Variants in DPP4 observed in about 807,000 individuals in gnomAD.
The protein encoded by DPP4 is dipeptidyl peptidase 4.
Under a neutral mutation model 122.4 loss-of-function variants are expected in DPP4, and 93 were observed. The observed-to-expected ratio is 0.76, with a 90% confidence interval of 0.64 to 0.90. DPP4 has a LOEUF of 0.90. Among genes scored for constraint, DPP4 ranks in the 40% least tolerant of loss-of-function variants. DPP4 has a pLI of 0.00. For missense variants in DPP4, 914 were observed against 907.3 expected (o/e 1.01, Z -0.09); for synonymous variants, 321 against 302.9 (o/e 1.06, Z -0.62).
chr2:162,014,410 A>T lies in DPP4; in HGVS notation c.1623T>A (p.Pro541=). 1 of 1,607,508 alleles carries T rather than the reference A, an allele frequency of 6.2e-7. No homozygotes were observed. Among genetic ancestry groups the T allele is most frequent in the Non-Finnish European group, 8.5e-7 (1 of 1,175,982 alleles). ...TGAATACTTACACATCTAATAGTAGAGGATATTTCTTGGATTTATCAAAAT... is the reference window on the plus strand; with the variant it reads ...TGAATACTTACACATCTAATAGTAGTGGATATTTCTTGGATTTATCAAAAT... ...PPHFDKSKKY[P]LLLDVYAGPC... The change falls in exon 19 of 26, where the codon CCT becomes CCA. Residue 541 remains proline, a synonymous_variant. Coordinates refer to ENST00000360534, the MANE Select transcript of DPP4 (RefSeq NM_001935.4).
chr2:162,036,570 C>G lies in DPP4; in HGVS notation c.614-1246G>C, dbSNP rs555631786. ...CAACCCAAATCTCCTTTGACTCATG[C>G]TTTTCATCTCAGTGCTATACTGCCC... On this transcript the variant is annotated intron_variant, in intron 8 of 25. Transcript: ENST00000360534. Among the ~76,000 whole-genome samples, 3 of 152,286 alleles carry G rather than the reference C, an allele frequency of 2.0e-5. No homozygotes were observed. In the East Asian group the frequency reaches 5.8e-4, roughly 29 times the overall value.
chr2:161,993,079 A>C lies in DPP4; in HGVS notation c.*204T>G. ...AATAAAACCCGACCGGATAATTCAA[A>C]CTTCTGTAAGGTAATAATCTGTTGT... On this transcript the variant is annotated 3_prime_UTR_variant, in exon 26 of 26. Transcript: ENST00000360534. 1 of 456,898 alleles carries C rather than the reference A, an allele frequency of 2.2e-6. No homozygotes were observed. Among genetic ancestry groups the C allele is most frequent in the South Asian group, 4.0e-5 (1 of 24,974 alleles). 28.3% of individuals were successfully genotyped at this position (456,898 alleles called of 1,614,324 possible). A position where few individuals can be genotyped will look rare whatever the true frequency, so the allele number is the denominator to read the frequency against.
intron 5 of DPP4, among the ~76,000 whole-genome samples, chr2:162,042,273 T>A (rs945082616): frequency 2.0e-5 from 3 of 152,196 alleles, no homozygotes; most frequent in African/African-American, 7.2e-5. Flanking sequence ...CTTAGCAGGG[T>A]TCTGGAACAT....
At chr2:162,051,842 G>C (rs1233383332) in intron 2 of DPP4, among the ~76,000 whole-genome samples, 2 of 152,222 alleles carry the variant, frequency 1.3e-5, no homozygotes, top group Non-Finnish European at 2.9e-5. Context: ...TGGTTGCTTT[G>C]AATCAGAGAG....
rs1331046591 is a variant in DPP4, at chr2:162,017,141, G to A, written c.1435C>T (p.Leu479Phe). The A allele has an allele frequency of 6.2e-7, 1 of 1,612,244 alleles. No individual in the cohort carries two copies. Among genetic ancestry groups the A allele is most frequent in the Admixed American group, 1.7e-5 (1 of 59,990 alleles). The part of the protein sequence containing the change: ...QLRCSGPGLP[L>F]YTLHSSVNDK... The stretch of plus-strand genomic sequence containing the variant: ...TTCACGCTGCTGTGTAGAGTATAGA[G>A]GGGCAGACCAGGACCTGTTAACACA... Residue 479 changes from leucine (L) to phenylalanine (F), a missense_variant, in exon 17 of 26, where the codon CTC becomes TTC. Transcript: ENST00000360534.
intron 23 of DPP4, among the ~76,000 whole-genome samples, chr2:161,999,492 G>A (rs1376047124): frequency 6.6e-6 from 1 of 152,170 alleles, no homozygotes; most frequent in Non-Finnish European, 1.5e-5. Context: ...GCACTCTCCT[G>A]AGGCTAGAAA....
chr2:162,035,535 G>T (rs992403974), intron 8 of DPP4, among the ~76,000 whole-genome samples: 2 of 152,102 alleles, frequency 1.3e-5, no homozygotes, highest in African/African-American at 4.8e-5. Context: ...TAAGTAACCC[G>T]TTGGACCATT....
chr2:162,036,859 G>A (rs1396911436), intron 8 of DPP4, among the ~76,000 whole-genome samples: 1 of 152,164 alleles, frequency 6.6e-6, no homozygotes, highest in Non-Finnish European at 1.5e-5. Flanking sequence ...TCCAAGTCAT[G>A]GTTTCTATTA....
chr2:162,041,260 T>C (rs1683976222), intron 5 of DPP4, among the ~76,000 whole-genome samples: 1 of 152,188 alleles, frequency 6.6e-6, no homozygotes, highest in Non-Finnish European at 1.5e-5. Context: ...AATAAGTTAC[T>C]TGTCTATACG....
At chr2:162,013,315 G>C (rs1682778425) in intron 19 of DPP4, among the ~76,000 whole-genome samples, 2 of 152,074 alleles carry the variant, frequency 1.3e-5, no homozygotes, top group Non-Finnish European at 2.9e-5. Flanking sequence ...CATTGGAGCC[G>C]AAGCCTAAAA....
Position 162,018,649 on chromosome 2 carries a change from G to T in DPP4, c.1420+80C>A. 12 of 1,523,038 alleles carry T rather than the reference G, an allele frequency of 7.9e-6. No individual in the cohort carries two copies. The South Asian group carries it at 1.5e-4, about 20-fold the overall frequency. The allele number at this position is 1,523,038 out of a possible 1,614,324, so 94.3% of individuals were successfully genotyped here. On this transcript the variant is annotated intron_variant, in intron 16 of 25. Coordinates refer to ENST00000360534, the MANE Select transcript of DPP4 (RefSeq NM_001935.4). ...CTTAGGTGATTTCAAGAGCTCCTCA[G>T]ATTCAAAAGGAATAGAGGGAGCTGC...
chr2:162,019,274 T>G lies in DPP4; in HGVS notation c.1247A>C (p.Tyr416Ser). The change falls in exon 15 of 26, where the codon TAC (tyrosine) becomes TCC (serine). Residue 416 changes from tyrosine (Y) to serine (S), a missense_variant and splice_region_variant. Physicochemically the swap from Tyr to Ser is moderately radical, Grantham distance 144. Coordinates refer to ENST00000360534, the MANE Select transcript of DPP4 (RefSeq NM_001935.4). ...TCCTTTATATTCATTACTAATGTAGTATCTAGGAAGAGAAAAAAATGAAAT... is the reference window on the plus strand; with the variant it reads ...TCCTTTATATTCATTACTAATGTAGGATCTAGGAAGAGAAAAAAATGAAAT... ...GIEALTSDYL[Y>S]YISNEYKGMP... The G allele has an allele frequency of 6.5e-7, 1 of 1,535,682 alleles. No individual in the cohort carries two copies. The highest frequency in any genetic ancestry group is 1.2e-5 in the South Asian group (1 of 86,304).
At chr2:162,043,206 A>G (rs1403234992) in intron 5 of DPP4, among the ~76,000 whole-genome samples, 1 of 152,126 alleles carries the variant, frequency 6.6e-6, no homozygotes, top group African/African-American at 2.4e-5. Flanking sequence ...AGTGATCCTA[A>G]GGTGCAGATG....
chr2:162,020,427 C>G lies in DPP4; in HGVS notation c.1177-131G>C, dbSNP rs1473422582. On this transcript the variant is annotated intron_variant, in intron 13 of 25. Transcript: ENST00000360534. ...TGGATTTTCTTGTTGGGTTTCCCCA[C>G]CTCGTTCCACATGACACAATACACC... 3 of 1,021,564 alleles carry G rather than the reference C, an allele frequency of 2.9e-6. No individual in the cohort carries two copies. The African/African-American group carries it at 4.9e-5, about 17-fold the overall frequency. The allele number at this position is 1,021,564 out of a possible 1,614,324, so 63.3% of individuals were successfully genotyped here. A position where few individuals can be genotyped will look rare whatever the true frequency, so the allele number is the denominator to read the frequency against.
chr2:162,026,342 A>G (rs757521234), intron 10 of DPP4, among the ~76,000 whole-genome samples: 3 of 152,072 alleles, frequency 2.0e-5, no homozygotes, highest in Non-Finnish European at 4.4e-5. Context: ...ACAGGACCGA[A>G]CCCCTTCACT....
chr2:162,010,739 A>G (rs1008422160), intron 20 of DPP4, among the ~76,000 whole-genome samples: 1 of 152,176 alleles, frequency 6.6e-6, no homozygotes, highest in Non-Finnish European at 1.5e-5. Flanking sequence ...CTATTTTTTA[A>G]TTGTTAAGGA....
At chr2:162,008,770 A>C in intron 21 of DPP4, 109 bp from the exon 22 acceptor site, 1 of 965,242 alleles carries the variant, frequency 1.0e-6, no homozygotes, top group Non-Finnish European at 1.6e-6. Flanking sequence ...GCCTCTTTAG[A>C]GATAAAAAGC....
chr2:162,057,982 A>T (rs897170329), intron 2 of DPP4, among the ~76,000 whole-genome samples: 1 of 152,146 alleles, frequency 6.6e-6, no homozygotes, highest in Non-Finnish European at 1.5e-5. Context: ...CATGTTGGCC[A>T]GGCTGGTCTT....
At chr2:162,070,676 T>C (rs959601273) in intron 2 of DPP4, among the ~76,000 whole-genome samples, 3 of 152,164 alleles carry the variant, frequency 2.0e-5, no homozygotes, top group African/African-American at 7.2e-5. Context: ...GGTGATGACT[T>C]TGACTTTTTT....
Sources: allele counts gnomAD v4.1 joint callset (sites outside exome capture counted in the v4.1 genomes callset), GRCh38; gene constraint gnomAD v4.1.1; transcripts MANE v1.5; gene names NCBI Gene and HGNC (gene_info 2026-07-23, HGNC 2026-07-21).